The following ATP2B4 variants were observed in gnomAD, a reference collection of about 807,000 sequenced individuals.
The protein encoded by ATP2B4 is plasma membrane calcium-transporting ATPase 4.
ATP2B4 carries 39 observed loss-of-function variants against 110.3 expected under a neutral mutation model. The observed-to-expected ratio is 0.35, with a 90% CI of 0.27 to 0.46. ATP2B4 has a LOEUF of 0.46. Ranked by LOEUF, ATP2B4 falls within the 20% of genes least tolerant of loss-of-function variation. The pLI, the probability that ATP2B4 is intolerant of heterozygous loss-of-function variation, is 1.00. For missense variants in ATP2B4, 1,135 were observed against 1,530.9 expected, an observed-to-expected ratio of 0.74 and a Z score of 4.32; for synonymous variants, 538 against 571.7, an observed-to-expected ratio of 0.94 and a Z score of 0.84.
chr1:203,703,544 A>C, intron 7 of ATP2B4, 108 bp from the exon 8 acceptor site: 1 of 1,317,860 alleles, frequency 7.6e-7, no homozygotes, highest in Non-Finnish European at 1.1e-6. Context: ...GTCAGGGTCC[A>C]AGGTATATTC....
intron 18 of ATP2B4, 140 bp downstream of exon 18, chr1:203,722,829 C>T: frequency 1.3e-6 from 1 of 788,114 alleles, no homozygotes; most frequent in Non-Finnish European, 2.0e-6. Flanking sequence ...CTTTGGGATT[C>T]CCAATCTGCT....
At chr1:203,709,616 G>A in intron 11 of ATP2B4, 74 bp downstream of exon 11, 1 of 1,589,726 alleles carries the variant, frequency 6.3e-7, no homozygotes, top group Non-Finnish European at 8.6e-7. Flanking sequence ...ACCCCACACT[G>A]AACCCATGTG....
At chr1:203,687,253 A>G (rs996051575) in intron 2 of ATP2B4, among the ~76,000 whole-genome samples, 12 of 53,624 alleles carry the variant, frequency 2.2e-4, no homozygotes, top group African/African-American at 4.5e-4. Context: ...GAAAAAAATA[A>G]GAAAGAAAAA....
chr1:203,634,633 G>T (rs1439532229), intron 1 of ATP2B4, among the ~76,000 whole-genome samples: 1 of 152,120 alleles, frequency 6.6e-6, no homozygotes. Context: ...ATCATAGACT[G>T]GGTGGCTTAA....
At position 203,702,084 on chromosome 1, in the gene ATP2B4, C is replaced by A. The variant is rs1453239150; in HGVS notation, c.937+5C>A. ...TCCCTGAAAATCGCAACAAAGGTAA[C>A]CTCTCCAACTACTCATTTACCATCT... On this transcript the variant is annotated splice_donor_5th_base_variant and intron_variant, in intron 7 of 20. Coordinates refer to ENST00000357681, the MANE Select transcript of ATP2B4 (RefSeq NM_001684.5). The A allele has an allele frequency of 6.2e-7, 1 of 1,613,900 alleles. No homozygotes were observed. Among genetic ancestry groups the A allele is most frequent in the Non-Finnish European group, 8.5e-7 (1 of 1,179,946 alleles).
At chr1:203,667,951 A>G (rs12045866) in intron 1 of ATP2B4, among the ~76,000 whole-genome samples, 106,307 of 152,138 alleles carry the variant, frequency 0.7, 41,934 homozygotes, top group Non-Finnish European at 0.88. Flanking sequence ...GTTAGACTGG[A>G]GGAACTGGGG....
intron 1 of ATP2B4, among the ~76,000 whole-genome samples, chr1:203,655,865 A>G (rs1450101413): frequency 2.0e-5 from 3 of 151,982 alleles, no homozygotes; most frequent in Non-Finnish European, 4.4e-5. Context: ...CAAAAAGATT[A>G]CCACTTCCTG....
intron 1 of ATP2B4, among the ~76,000 whole-genome samples, chr1:203,627,991 C>G (rs971853242): frequency 1.3e-5 from 2 of 152,172 alleles, no homozygotes; most frequent in African/African-American, 4.8e-5. Context: ...TCTCCGAGGG[C>G]ACCGCCCCAC....
intron 2 of ATP2B4, among the ~76,000 whole-genome samples, chr1:203,695,016 C>T (rs769897145): frequency 8.0e-4 from 122 of 152,178 alleles, no homozygotes; most frequent in Admixed American, 1.8e-3. Context: ...CTGTTCTCTG[C>T]CCCTCATATG....
intron 20 of ATP2B4, chr1:203,727,802 T>A (rs1666569408): frequency 1.9e-6 from 1 of 521,128 alleles, no homozygotes; most frequent in South Asian, 2.3e-5. Context: ...ATTAGCATAG[T>A]CCTTTAGCTC....
chr1:203,660,502 G>A (rs1664303975), intron 1 of ATP2B4, among the ~76,000 whole-genome samples: 1 of 151,924 alleles, frequency 6.6e-6, no homozygotes, highest in Non-Finnish European at 1.5e-5. Flanking sequence ...AGAGAACGGA[G>A]GTGGGGGGTG....
chr1:203,733,419 T>C, intron 20 of ATP2B4: 1 of 1,594,712 alleles, frequency 6.3e-7, no homozygotes, highest in Non-Finnish European at 8.6e-7. Flanking sequence ...TAGTCTATTA[T>C]GATGCATGAT....
At chr1:203,727,683 A>C in intron 20 of ATP2B4, 112 bp downstream of exon 20, 1 of 1,325,224 alleles carries the variant, frequency 7.5e-7, no homozygotes, top group East Asian at 2.4e-5. Flanking sequence ...CCAAAGGCTC[A>C]CTACTGATGG....
In ATP2B4 at chr1:203,660,567, C is replaced by T. The variant is rs149291937; in HGVS notation, c.-464-22175C>T. 1.9e-4 allele frequency among the ~76,000 whole-genome samples: 29 copies of T among 152,174 alleles called. No individual in the cohort carries two copies. The East Asian group carries it at 3.3e-3, about 17-fold the overall frequency. On this transcript the variant is annotated intron_variant, in intron 1 of 20. Transcript: ENST00000357681. ...CTGTAATTCCAGCACTTTGGGAGAC[C>T]GAGGTGGGCAGATCGTGAGGTCAAG...
At chr1:203,704,520 G>GC (rs1313776114) in intron 8 of ATP2B4, among the ~76,000 whole-genome samples, 1 of 114,690 alleles carries the variant, frequency 8.7e-6, no homozygotes, top group African/African-American at 3.5e-5. Context: ...TTCCTCTGTT[G>GC]CCCAGGATGG....
At chr1:203,735,619 T>C (rs1429936386) in intron 20 of ATP2B4, among the ~76,000 whole-genome samples, 19 of 152,156 alleles carry the variant, frequency 1.2e-4, no homozygotes, top group Admixed American at 1.2e-3. Context: ...CAAAGTGTTC[T>C]GATGTGAGGA....
At chr1:203,704,248 G>A (rs529722399) in intron 8 of ATP2B4, among the ~76,000 whole-genome samples, 67 of 152,176 alleles carry the variant, frequency 4.4e-4, no homozygotes, top group Non-Finnish European at 8.8e-4. Flanking sequence ...TAAATACCAA[G>A]TAAGGACTGG....
chr1:203,707,003 G>C lies in ATP2B4; in HGVS notation c.1100-6G>C. On this transcript the variant is annotated splice_region_variant and splice_polypyrimidine_tract_variant and intron_variant, in intron 8 of 20. Coordinates refer to ENST00000357681, the MANE Select transcript of ATP2B4 (RefSeq NM_001684.5). Reference sequence around the variant, plus strand: ...CTGGGTTCATATGACTTGTTTCTCTGGACAGGTCTGCTCATGTCTGCTCTC... The same window carrying C: ...CTGGGTTCATATGACTTGTTTCTCTCGACAGGTCTGCTCATGTCTGCTCTC... 6.2e-7 allele frequency: 1 copy of C among 1,612,758 alleles called. No homozygotes were observed. Among genetic ancestry groups the C allele is most frequent in the East Asian group, 2.2e-5 (1 of 44,850 alleles).
At chr1:203,723,458 CT>C (rs1666406923) in intron 18 of ATP2B4, among the ~76,000 whole-genome samples, 1 of 96,354 alleles carries the variant, frequency 1.0e-5, no homozygotes, top group African/African-American at 4.3e-5. Flanking sequence ...CTCTCTCTCT[CT>C]CCCTCTGCCT....
Sources: allele counts gnomAD v4.1 joint callset (sites outside exome capture counted in the v4.1 genomes callset), GRCh38; gene constraint gnomAD v4.1.1; transcripts MANE v1.5; gene names NCBI Gene and HGNC (gene_info 2026-07-23, HGNC 2026-07-21).